The following ITGA1 variants were observed in gnomAD, a reference collection of about 807,000 sequenced individuals.
The protein encoded by ITGA1 is integrin alpha-1.
In ITGA1, 85 loss-of-function variants were observed where a neutral mutation model predicts 145.9. The ratio of observed to expected loss-of-function variants is 0.58; its 90% CI spans 0.49 to 0.70. The LOEUF (loss-of-function observed/expected upper bound fraction) is 0.70. Among genes scored for constraint, ITGA1 ranks in the 30% least tolerant of loss-of-function variants. The pLI, the probability that ITGA1 is intolerant of heterozygous loss-of-function variation, is 0.00. For synonymous variants in ITGA1, 520 were observed against 495.3 expected, an observed-to-expected ratio of 1.05 and a Z score of -0.66; for missense variants, 1,351 against 1,418.7, an observed-to-expected ratio of 0.95 and a Z score of 0.77.
chr5:52,872,395 GA>G (rs1376458909), intron 6 of ITGA1, among the ~76,000 whole-genome samples: 1 of 151,870 alleles, frequency 6.6e-6, no homozygotes, highest in Non-Finnish European at 1.5e-5. Flanking sequence ...TCAGGCACTA[GA>G]ATAATCATTC....
intron 11 of ITGA1, among the ~76,000 whole-genome samples, chr5:52,898,642 T>G (rs1333628512): frequency 6.6e-6 from 1 of 152,160 alleles, no homozygotes; most frequent in African/African-American, 2.4e-5. Context: ...CCCTTTCTGA[T>G]ATGTTCAGTT....
chr5:52,849,374 G>A lies in ITGA1; in HGVS notation c.71G>A (p.Arg24His), dbSNP rs759463731. ...TGTTTTTCTCCTAAAGTTGTTCTAC[G>A]CTGCTGCGTATCATTCAATGTTGAT... Reference protein sequence around the residue: ...ACCWLLTVVLRCCVSFNVDVK... With the variant: ...ACCWLLTVVLHCCVSFNVDVK... The change falls in exon 2 of 29, where the codon CGC becomes CAC. Residue 24 changes from arginine (R) to histidine (H), a missense_variant. Coordinates refer to ENST00000282588, the MANE Select transcript of ITGA1 (RefSeq NM_181501.2). The A allele has an allele frequency of 2.4e-5, 38 of 1,606,028 alleles. No homozygotes were observed. In the South Asian group the frequency reaches 2.4e-4, roughly 10 times the overall value.
chr5:52,866,134 C>A (rs1749683590), intron 6 of ITGA1, among the ~76,000 whole-genome samples: 1 of 152,126 alleles, frequency 6.6e-6, no homozygotes, highest in African/African-American at 2.4e-5. Context: ...TATTTCTCAG[C>A]CTCTCCAGAA....
In ITGA1 at chr5:52,927,600, G is replaced by C; in HGVS notation, c.2630G>C (p.Ser877Thr). Residue 877 changes from serine to threonine, a missense_variant, in exon 20 of 29, where the codon AGT (serine) becomes ACT (threonine). Coordinates refer to ENST00000282588, the MANE Select transcript of ITGA1 (RefSeq NM_181501.2). ...FSGIEAIQKD[S>T]CESNHNITCK... The stretch of plus-strand genomic sequence containing the variant: ...TCTTCCTAGGCTATCCAAAAAGACA[G>C]TTGTGAATCTAATCATAATATCACA... 6.2e-7 allele frequency: 1 copy of C among 1,610,510 alleles called. No homozygotes were observed. Among genetic ancestry groups the C allele is most frequent in the Non-Finnish European group, 8.5e-7 (1 of 1,177,542 alleles).
At chr5:52,886,389 A>G (rs1750047602) in intron 7 of ITGA1, among the ~76,000 whole-genome samples, 1 of 152,216 alleles carries the variant, frequency 6.6e-6, no homozygotes, top group African/African-American at 2.4e-5. Flanking sequence ...GATATCAGTT[A>G]TGGTATATTT....
At chr5:52,865,554 A>T in intron 5 of ITGA1, 136 bp from the exon 6 acceptor site, 1 of 641,830 alleles carries the variant, frequency 1.6e-6, no homozygotes, top group East Asian at 3.2e-5. Flanking sequence ...ACTATTTTTT[A>T]TTGCTAAAAC....
rs16880415 is a variant in ITGA1 at position 52,881,911 on chromosome 5, G to A, written c.663G>A (p.Glu221=). ...AGTATGGAGAAAACGTGACCCATGA[G>A]TTCAACCTCAATAAGTATTCTTCCA... is the stretch of plus-strand genomic sequence containing the variant. The part of the protein sequence containing the change: ...IVQYGENVTH[E]FNLNKYSSTE... The change falls in exon 7 of 29, where the codon GAG becomes GAA. Residue 221 remains glutamate (E), a synonymous_variant. Transcript: ENST00000282588. 3,794 of 1,613,892 alleles carry A rather than the reference G, an allele frequency of 2.4e-3. 79 individuals are homozygous for A. The African/African-American group carries it at 0.045, about 19-fold the overall frequency.
chr5:52,819,021 A>G (rs1340634241), intron 1 of ITGA1, among the ~76,000 whole-genome samples: 1 of 152,094 alleles, frequency 6.6e-6, no homozygotes, highest in African/African-American at 2.4e-5. Flanking sequence ...ACACATCTCT[A>G]TGGTTACAGT....
intron 1 of ITGA1, among the ~76,000 whole-genome samples, chr5:52,810,381 G>A (rs895627258): frequency 2.6e-5 from 4 of 152,140 alleles, no homozygotes; most frequent in African/African-American, 4.8e-5. Flanking sequence ...TTTATCTTTC[G>A]TTGTAAAACT....
At chr5:52,948,006 T>G (rs939597426) in intron 28 of ITGA1, among the ~76,000 whole-genome samples, 1 of 152,172 alleles carries the variant, frequency 6.6e-6, no homozygotes, top group Non-Finnish European at 1.5e-5. Context: ...AGGGATCAGC[T>G]GATGTAGGGG....
At chr5:52,912,165 C>G (rs1293224067) in intron 14 of ITGA1, among the ~76,000 whole-genome samples, 1 of 130,000 alleles carries the variant, frequency 7.7e-6, no homozygotes, top group African/African-American at 2.8e-5. Flanking sequence ...CTATATATAG[C>G]GTATCTAGTA....
Position 52,932,061 on chromosome 5 carries a change from C to T in ITGA1, c.2786C>T (p.Pro929Leu). The T allele has an allele frequency of 6.2e-7, 1 of 1,605,602 alleles. No individual in the cohort carries two copies. Among genetic ancestry groups the T allele is most frequent in the Non-Finnish European group, 8.5e-7 (1 of 1,172,968 alleles). ...YLSATSDSEE[P>L]PETLSDNVVN... ...GTATTTTCTAGTGACAGCGAAGAACCTCCTGAAACCCTTTCTGATAATGTA... is the reference window on the plus strand; with the variant it reads ...GTATTTTCTAGTGACAGCGAAGAACTTCCTGAAACCCTTTCTGATAATGTA... The change falls in exon 22 of 29, where the codon CCT becomes CTT. Residue 929 changes from proline (P) to leucine (L), a missense_variant. Transcript: ENST00000282588.
Position 52,905,894 on chromosome 5 carries a change from C to T in ITGA1, c.1441C>T (p.Leu481Phe). ...EDGNIKILQTLSGEQIGSYFG... is the reference protein window; with the variant it reads ...EDGNIKILQTFSGEQIGSYFG... ...TGGAAACATCAAAATTCTCCAGACG[C>T]TCAGTGGAGAACAGGTAAACTTGAA... Residue 481 changes from leucine to phenylalanine, a missense_variant, in exon 12 of 29, where the codon CTC becomes TTC. Coordinates refer to ENST00000282588, the MANE Select transcript of ITGA1 (RefSeq NM_181501.2). 2 of 1,612,532 alleles carry T rather than the reference C, an allele frequency of 1.2e-6. No individual in the cohort carries two copies. The highest frequency in any genetic ancestry group is 1.7e-6 in the Non-Finnish European group (2 of 1,178,900).
chr5:52,898,403 A>T lies in ITGA1; in HGVS notation c.1309+20A>T. On this transcript the variant is annotated intron_variant, in intron 11 of 28. Transcript: ENST00000282588. Reference sequence around the variant, plus strand: ...ATTTAGGTAAGGTTTGGATATAATTATAAAAGAGTTGTTTTACTTTTCCAT... The same window carrying T: ...ATTTAGGTAAGGTTTGGATATAATTTTAAAAGAGTTGTTTTACTTTTCCAT... 1 of 1,562,140 alleles carries T rather than the reference A, an allele frequency of 6.4e-7. No individual in the cohort carries two copies. The highest frequency in any genetic ancestry group is 8.7e-7 in the Non-Finnish European group (1 of 1,155,290).
At chr5:52,898,579 CT>C (rs1353989751) in intron 11 of ITGA1, among the ~76,000 whole-genome samples, 196 bp downstream of exon 11, 2 of 151,992 alleles carry the variant, frequency 1.3e-5, no homozygotes, top group African/African-American at 4.8e-5. Context: ...CATGGGGGTC[CT>C]TTTTTGTTAG....
intron 1 of ITGA1, among the ~76,000 whole-genome samples, chr5:52,807,469 G>A (rs909632782): frequency 1.4e-4 from 21 of 152,216 alleles, no homozygotes; most frequent in Admixed American, 1.2e-3. Flanking sequence ...CAGTTAGTGG[G>A]TGTGATGAGG....
chr5:52,790,120 T>C (rs1748210121), intron 1 of ITGA1, among the ~76,000 whole-genome samples: 1 of 152,190 alleles, frequency 6.6e-6, no homozygotes, highest in South Asian at 2.1e-4. Context: ...CAGAGTCCGT[T>C]TGTAACCTGG....
intron 26 of ITGA1, among the ~76,000 whole-genome samples, chr5:52,941,121 T>C (rs1751047982): frequency 6.6e-6 from 1 of 152,244 alleles, no homozygotes; most frequent in Non-Finnish European, 1.5e-5. Context: ...TGTTCTTTTT[T>C]ATGGCTGTGC....
chr5:52,936,355 T>G (rs750480781), intron 23 of ITGA1, among the ~76,000 whole-genome samples: 9 of 152,196 alleles, frequency 5.9e-5, no homozygotes, highest in Non-Finnish European at 1.0e-4. Flanking sequence ...GGAGCATGTT[T>G]AAGGGTCCAG....
Sources: allele counts gnomAD v4.1 joint callset (sites outside exome capture counted in the v4.1 genomes callset), GRCh38; gene constraint gnomAD v4.1.1; transcripts MANE v1.5; gene names NCBI Gene and HGNC (gene_info 2026-07-23, HGNC 2026-07-21).